Variants in PCDHGA10 observed in about 807,000 individuals in gnomAD.
PCDHGA10 encodes the protein protocadherin gamma-A10.
A neutral mutation model predicts 59.5 loss-of-function variants in PCDHGA10; 42 were observed. That is an observed-to-expected ratio of 0.71 (90% CI 0.55 to 0.91). The LOEUF is 0.91. Ranked by LOEUF, PCDHGA10 falls within the 40% of genes least tolerant of loss-of-function variation. The pLI is 0.00. For synonymous variants in PCDHGA10, 511 were observed against 517.2 expected (o/e 0.99, Z 0.16); for missense variants, 1,111 against 1,198.2 (o/e 0.93, Z 1.07).
chr5:141,417,824 G>A (rs2096165363), intron 1 of PCDHGA10: 4 of 1,518,120 alleles, frequency 2.6e-6, no homozygotes, highest in Non-Finnish European at 3.5e-6. Context: ...TTCTCCAACT[G>A]GAAAAGCGGG....
chr5:141,476,367 G>C lies in PCDHGA10; in HGVS notation c.2437-18440G>C, dbSNP rs754652710. ...TTCTTTGAGGTGAACCGGGAGACCG[G>C]AGAGATGTTTGTGAACGACCGTCTG... On this transcript the variant is annotated intron_variant, in intron 1 of 3. Transcript: ENST00000398610. This position sits in a 1 kb window ranked among gnomAD's most constrained non-coding sequence, Gnocchi z 7.6. 6.2e-7 allele frequency: 1 copy of C among 1,614,172 alleles called. No homozygotes were observed. Among genetic ancestry groups the C allele is most frequent in the Non-Finnish European group, 8.5e-7 (1 of 1,180,036 alleles).
At chr5:141,442,737 G>A (rs1376026431) in intron 1 of PCDHGA10, among the ~76,000 whole-genome samples, 1 of 152,152 alleles carries the variant, frequency 6.6e-6, no homozygotes, top group Non-Finnish European at 1.5e-5. Flanking sequence ...CTGTAGGTAA[G>A]GAGCATGTTT....
At position 141,476,161 on chromosome 5, in the gene PCDHGA10, G is replaced by A. The variant is rs748660112; in HGVS notation, c.2437-18646G>A. 21 of 1,613,012 alleles carry A rather than the reference G, an allele frequency of 1.3e-5. No homozygotes were observed. Among genetic ancestry groups the A allele is most frequent in the Non-Finnish European group, 1.8e-5 (21 of 1,179,922 alleles). On this transcript the variant is annotated intron_variant, in intron 1 of 3. Transcript: ENST00000398610. The surrounding 1 kb of genome is among the most constrained non-coding windows in gnomAD (Gnocchi z 7.6). ...GGAGCGGACTGGTAAGCACCGGGAG[G>A]GTAGTGGGAGTTTTGCTTCTGCTTG... is the stretch of plus-strand genomic sequence containing the variant.
chr5:141,511,537 A>C lies in PCDHGA10; in HGVS notation c.*364A>C. 6.3e-6 allele frequency: 2 copies of C among 319,254 alleles called. No individual in the cohort carries two copies. The highest frequency in any genetic ancestry group is 6.7e-5 in the South Asian group (2 of 29,854). 19.8% of individuals were successfully genotyped at this position (319,254 alleles called of 1,614,324 possible). A position where few individuals can be genotyped will look rare whatever the true frequency, so the allele number is the denominator to read the frequency against. On this transcript the variant is annotated 3_prime_UTR_variant, in exon 4 of 4. Transcript: ENST00000398610. ...TCCATCCCATGCCTCCCTCCTCCCC[A>C]CCCCACTCCAACAGTTCCTCTTTCC... is the stretch of plus-strand genomic sequence containing the variant.
In PCDHGA10 at chr5:141,491,533, C is replaced by G. The variant is rs758270791; in HGVS notation, c.2437-3274C>G. 4.3e-6 allele frequency: 7 copies of G among 1,614,010 alleles called. No homozygotes were observed. The highest frequency in any genetic ancestry group is 5.1e-6 in the Non-Finnish European group (6 of 1,180,028). ...GCTCAAGTACATGGAGGTGACGCTGCGGCCCACAGACTCGCAGAGCCACTG... is the reference window on the plus strand; with the variant it reads ...GCTCAAGTACATGGAGGTGACGCTGGGGCCCACAGACTCGCAGAGCCACTG... On this transcript the variant is annotated intron_variant, in intron 1 of 3. Transcript: ENST00000398610. The surrounding 1 kb of genome is among the most constrained non-coding windows in gnomAD (Gnocchi z 6.9).
rs537334679 is a variant in PCDHGA10 at position 141,413,479 on chromosome 5, C to G, written c.304C>G (p.Gln102Glu). ...GATAGACCGGGAGGAGCTCTGCGCTCAGAGCGCGCGGTGCGTGGTGAGTTT... is the reference window on the plus strand; with the variant it reads ...GATAGACCGGGAGGAGCTCTGCGCTGAGAGCGCGCGGTGCGTGGTGAGTTT... Reference protein sequence around the residue: ...GRIDREELCAQSARCVVSFNI... With the variant: ...GRIDREELCAESARCVVSFNI... Residue 102 changes from glutamine to glutamate, a missense_variant, in exon 1 of 4, where the codon CAG (glutamine) becomes GAG (glutamate). Coordinates refer to ENST00000398610, the MANE Select transcript of PCDHGA10 (RefSeq NM_018913.3). 4.3e-6 allele frequency: 7 copies of G among 1,614,084 alleles called. No individual in the cohort carries two copies. In the African/African-American group the frequency reaches 6.7e-5, roughly 15 times the overall value.
At chr5:141,425,484 TA>T (rs929097245) in intron 1 of PCDHGA10, among the ~76,000 whole-genome samples, 1 of 152,258 alleles carries the variant, frequency 6.6e-6, no homozygotes, top group African/African-American at 2.4e-5. Context: ...TATGGCAACC[TA>T]CTAGGCTATA....
Position 141,500,858 on chromosome 5 carries a change from A to G in PCDHGA10, c.2496-4535A>G, listed in dbSNP as rs1160743056. Among the ~76,000 whole-genome samples the G allele has an allele frequency of 3.3e-5, 5 of 150,740 alleles. No individual in the cohort carries two copies. The South Asian group carries it at 1.0e-3, about 32-fold the overall frequency. ...TAATGGGCTTTTGCTACATTAGAAA[A>G]CATACACATTCATTTACAATTTTTT... On this transcript the variant is annotated intron_variant, in intron 2 of 3. Coordinates refer to ENST00000398610, the MANE Select transcript of PCDHGA10 (RefSeq NM_018913.3).
Position 141,486,558 on chromosome 5 carries a change from T to C in PCDHGA10, c.2437-8249T>C, listed in dbSNP as rs544575797. 1 of 1,614,034 alleles carries C rather than the reference T, an allele frequency of 6.2e-7. No homozygotes were observed. Among genetic ancestry groups the C allele is most frequent in the Non-Finnish European group, 8.5e-7 (1 of 1,180,012 alleles). ...TCTTTCTTTCAGAGGTCACATGAGG[T>C]GTTTGTTCCTGAGAACAATCGCCCA... On this transcript the variant is annotated intron_variant, in intron 1 of 3. Coordinates refer to ENST00000398610, the MANE Select transcript of PCDHGA10 (RefSeq NM_018913.3). This position sits in a 1 kb window ranked among gnomAD's most constrained non-coding sequence, Gnocchi z 5.0.
intron 1 of PCDHGA10, among the ~76,000 whole-genome samples, chr5:141,492,165 C>T (rs932762928): frequency 1.4e-4 from 22 of 152,210 alleles, no homozygotes; most frequent in African/African-American, 4.8e-4. Context: ...TCCCTATCCC[C>T]GCATCACCCA....
chr5:141,426,297 G>T (rs1056504791), intron 1 of PCDHGA10: 3 of 171,478 alleles, frequency 1.7e-5, no homozygotes, highest in African/African-American at 7.1e-5. Context: ...TGGGAAACAG[G>T]GTGAAGCAGA....
chr5:141,465,440 A>T (rs1478987071), intron 1 of PCDHGA10, among the ~76,000 whole-genome samples: 1 of 152,194 alleles, frequency 6.6e-6, no homozygotes, highest in Non-Finnish European at 1.5e-5. Flanking sequence ...CTTAATGATT[A>T]CCCAAGAAAA....
Position 141,414,897 on chromosome 5 carries a change from C to A in PCDHGA10, c.1722C>A (p.Asp574Glu), listed in dbSNP as rs2095799678. The part of the protein sequence containing the change: ...PEILYPALPT[D>E]GSTGVELAPR... Reference sequence around the variant, plus strand: ...TCCTGTACCCCGCCCTCCCCACAGACGGTTCCACAGGCGTGGAGCTGGCGC... The same window carrying A: ...TCCTGTACCCCGCCCTCCCCACAGAAGGTTCCACAGGCGTGGAGCTGGCGC... Residue 574 changes from aspartate (D) to glutamate (E), a missense_variant, in exon 1 of 4, where the codon GAC becomes GAA. Transcript: ENST00000398610. The A allele has an allele frequency of 4.3e-6, 7 of 1,614,230 alleles. No homozygotes were observed. The highest frequency in any genetic ancestry group is 5.9e-6 in the Non-Finnish European group (7 of 1,180,046).
intron 1 of PCDHGA10, among the ~76,000 whole-genome samples, chr5:141,482,356 G>A (rs1330274684): frequency 6.6e-6 from 1 of 152,118 alleles, no homozygotes; most frequent in Non-Finnish European, 1.5e-5. Flanking sequence ...TGTTGTGAGA[G>A]TGAAAAGTAA....
At chr5:141,504,517 T>C (rs1057166865) in intron 2 of PCDHGA10, among the ~76,000 whole-genome samples, 5 of 151,918 alleles carry the variant, frequency 3.3e-5, no homozygotes, top group African/African-American at 1.2e-4. Context: ...TCTCCTCTGA[T>C]ATATTTTATT....
intron 1 of PCDHGA10, among the ~76,000 whole-genome samples, chr5:141,468,000 C>G (rs1429450909): frequency 6.6e-6 from 1 of 152,028 alleles, no homozygotes; most frequent in East Asian, 1.9e-4. Flanking sequence ...ATTCTTTCTT[C>G]CTCTGTTATA....
chr5:141,434,924 A>G (rs2097731722), intron 1 of PCDHGA10, among the ~76,000 whole-genome samples: 1 of 151,756 alleles, frequency 6.6e-6, no homozygotes, highest in African/African-American at 2.4e-5. Context: ...ATGTACATAT[A>G]TTTTATATAA....
chr5:141,430,933 G>C (rs2097327058), intron 1 of PCDHGA10: 1 of 1,607,608 alleles, frequency 6.2e-7, no homozygotes, highest in East Asian at 2.2e-5. Flanking sequence ...AGCCCCGGGA[G>C]CTCGCGGAGC....
intron 1 of PCDHGA10, chr5:141,419,596 G>A (rs377287183): frequency 2.6e-5 from 42 of 1,611,564 alleles, no homozygotes; most frequent in Non-Finnish European, 3.3e-5. Flanking sequence ...ACACAGTGCC[G>A]CGGGCCGCGC....
Sources: allele counts gnomAD v4.1 joint callset (sites outside exome capture counted in the v4.1 genomes callset), GRCh38; gene constraint gnomAD v4.1.1; non-coding constraint Gnocchi (gnomAD v3.1); transcripts MANE v1.5; gene names NCBI Gene and HGNC (gene_info 2026-07-23, HGNC 2026-07-21).